The following KIAA1549L variants were observed in gnomAD, a reference collection of about 807,000 sequenced individuals.
KIAA1549L encodes KIAA1549 like.
Under a neutral mutation model 160.7 loss-of-function variants are expected in KIAA1549L, and 88 were observed. The observed-to-expected ratio is 0.55, with a 90% CI of 0.46 to 0.65. The LOEUF (loss-of-function observed/expected upper bound fraction) is 0.65. Among genes scored for constraint, KIAA1549L ranks in the 30% least tolerant of loss-of-function variants. KIAA1549L has a pLI of 0.00. For synonymous variants in KIAA1549L, 950 were observed against 976.7 expected, an observed-to-expected ratio of 0.97 and a Z score of 0.51; for missense variants, 2,258 against 2,437.5, an observed-to-expected ratio of 0.93 and a Z score of 1.55.
At chr11:33,606,583 C>T (rs1047700847) in intron 13 of KIAA1549L, 58 bp from the exon 14 acceptor site, 3 of 1,540,572 alleles carry the variant, frequency 1.9e-6, no homozygotes, top group Non-Finnish European at 2.7e-6. Context: ...CATAAATTCT[C>T]CTGGGATCAC....
chr11:33,544,982 C>T lies in KIAA1549L; in HGVS notation c.2989C>T (p.Pro997Ser), dbSNP rs1156773732. 2.5e-6 allele frequency: 4 copies of T among 1,613,840 alleles called. No homozygotes were observed. Among genetic ancestry groups the T allele is most frequent in the African/African-American group, 1.3e-5 (1 of 74,906 alleles). Residue 997 changes from proline (P) to serine (S), a missense_variant, in exon 3 of 21, where the codon CCA (proline) becomes TCA (serine). Pro to Ser is a moderately conservative substitution (Grantham distance 74). This residue lies in a region of KIAA1549L where 1,359 missense variants were observed against 1,546.6 expected (regional missense o/e 0.88). Transcript: ENST00000658780. ...NKAASGPKRTPGAVHTAFPFT... is the reference protein window; with the variant it reads ...NKAASGPKRTSGAVHTAFPFT... ...GGCCGCATCTGGCCCAAAGAGGACA[C>T]CAGGGGCAGTCCATACAGCCTTCCC...
At chr11:33,533,565 C>T (rs79758824) in intron 1 of KIAA1549L, among the ~76,000 whole-genome samples, 2 of 152,178 alleles carry the variant, frequency 1.3e-5, no homozygotes, top group Non-Finnish European at 2.9e-5. Flanking sequence ...CATACATGCA[C>T]GTGATCCTAA....
intron 1 of KIAA1549L, among the ~76,000 whole-genome samples, chr11:33,534,162 A>G (rs985865438): frequency 1.3e-5 from 2 of 152,014 alleles, no homozygotes; most frequent in Admixed American, 1.3e-4. Flanking sequence ...GGCTCACTGC[A>G]ACGTCTGCCT....
chr11:33,542,661 G>C lies in KIAA1549L; in HGVS notation c.1098G>C (p.Gln366His). 1 of 1,613,830 alleles carries C rather than the reference G, an allele frequency of 6.2e-7. No individual in the cohort carries two copies. Among genetic ancestry groups the C allele is most frequent in the African/African-American group, 1.3e-5 (1 of 75,034 alleles). The change falls in exon 2 of 21, where the codon CAG becomes CAC. Residue 366 changes from glutamine (Q) to histidine (H), a missense_variant. Gln to His is a conservative substitution (Grantham distance 24, BLOSUM62 0). Coordinates refer to ENST00000658780, the MANE Select transcript of KIAA1549L (RefSeq NM_012194.3). Reference sequence around the variant, plus strand: ...CCCCAGCACTTGGAAGTCTTCTTCAGCTTCCAGATGGAAGCCCCTCATGGT... The same window carrying C: ...CCCCAGCACTTGGAAGTCTTCTTCACCTTCCAGATGGAAGCCCCTCATGGT... Reference protein sequence around the residue: ...PPPPALGSLLQLPDGSPSWSM... With the variant: ...PPPPALGSLLHLPDGSPSWSM...
chr11:33,395,295 A>G (rs1364125424), intron 1 of KIAA1549L, among the ~76,000 whole-genome samples: 2 of 152,234 alleles, frequency 1.3e-5, no homozygotes. Flanking sequence ...TGTAGCAATA[A>G]TAATAGCTAA....
chr11:33,478,340 T>G (rs539956412), intron 1 of KIAA1549L, among the ~76,000 whole-genome samples: 14 of 152,372 alleles, frequency 9.2e-5, no homozygotes, highest in African/African-American at 3.1e-4. Context: ...GGCAAAGGTT[T>G]CTGCAAAGCT....
intron 1 of KIAA1549L, among the ~76,000 whole-genome samples, chr11:33,497,596 T>C (rs1852849830): frequency 1.3e-5 from 2 of 152,228 alleles, no homozygotes; most frequent in Non-Finnish European, 2.9e-5. Flanking sequence ...GGTTCTTTTT[T>C]AGTATATCTG....
intron 1 of KIAA1549L, among the ~76,000 whole-genome samples, chr11:33,514,107 T>C (rs1853286722): frequency 6.6e-6 from 1 of 152,196 alleles, no homozygotes; most frequent in Non-Finnish European, 1.5e-5. Flanking sequence ...AGCTATACAA[T>C]CCTTCCTTCC....
intron 1 of KIAA1549L, among the ~76,000 whole-genome samples, chr11:33,534,142 G>A (rs954543256): frequency 1.3e-4 from 20 of 152,038 alleles, no homozygotes; most frequent in Admixed American, 1.3e-3. Flanking sequence ...GAGTGCAGTG[G>A]TGTGATCTTG....
At chr11:33,405,282 T>G (rs1358038269) in intron 1 of KIAA1549L, among the ~76,000 whole-genome samples, 2 of 152,046 alleles carry the variant, frequency 1.3e-5, no homozygotes, top group Admixed American at 1.3e-4. Context: ...ATACCATAAA[T>G]GCATTGCTGC....
chr11:33,424,668 A>G (rs1445642417), intron 1 of KIAA1549L, among the ~76,000 whole-genome samples: 1 of 152,200 alleles, frequency 6.6e-6, no homozygotes, highest in Non-Finnish European at 1.5e-5. Context: ...CATTTTTACC[A>G]TGAACTTTTT....
chr11:33,586,363 G>A (rs1849873943), intron 11 of KIAA1549L, among the ~76,000 whole-genome samples: 1 of 152,220 alleles, frequency 6.6e-6, no homozygotes. Flanking sequence ...CTTCTTCAGA[G>A]ACAAGGTACC....
At chr11:33,638,425 A>AT (rs1265617622) in intron 16 of KIAA1549L, among the ~76,000 whole-genome samples, 381 of 18,660 alleles carry the variant, frequency 0.02, 1 homozygote, top group African/African-American at 0.11. Flanking sequence ...AAATAAATAA[A>AT]AAAAAAAAAA....
Position 33,573,874 on chromosome 11 carries a change from C to T in KIAA1549L, c.4231-828C>T, listed in dbSNP as rs530747253. Among the ~76,000 whole-genome samples the T allele has an allele frequency of 7.2e-5, 11 of 152,146 alleles. No individual in the cohort carries two copies. The East Asian group carries it at 2.1e-3, about 29-fold the overall frequency. ...ACAGTAGTAAAAAATTAGTAACAGT[C>T]TAAATGCTTAATAAAGGATTGTTTA... On this transcript the variant is annotated intron_variant, in intron 9 of 20. Coordinates refer to ENST00000658780, the MANE Select transcript of KIAA1549L (RefSeq NM_012194.3).
chr11:33,660,741 T>G, intron 19 of KIAA1549L, 122 bp from the exon 20 acceptor site: 7 of 906,626 alleles, frequency 7.7e-6, no homozygotes, highest in African/African-American at 1.7e-5. Flanking sequence ...CCTGATTTAA[T>G]GAGACTTCAA....
intron 1 of KIAA1549L, among the ~76,000 whole-genome samples, chr11:33,460,137 GC>G (rs1565146303): frequency 1.3e-5 from 2 of 152,046 alleles, no homozygotes; most frequent in African/African-American, 4.8e-5. Flanking sequence ...ACTGTCCATG[GC>G]TGTCTTGGAC....
chr11:33,458,188 A>C (rs1851869290), intron 1 of KIAA1549L, among the ~76,000 whole-genome samples: 1 of 152,264 alleles, frequency 6.6e-6, no homozygotes, highest in African/African-American at 2.4e-5. Context: ...AGGTGGGGCC[A>C]GCACAGGGCC....
chr11:33,654,264 A>G (rs999798010), intron 17 of KIAA1549L, among the ~76,000 whole-genome samples: 4 of 152,092 alleles, frequency 2.6e-5, no homozygotes, highest in Admixed American at 1.3e-4. Flanking sequence ...GAGCCACCAC[A>G]CCCAGCCTGG....
intron 16 of KIAA1549L, 141 bp downstream of exon 16, chr11:33,618,803 C>A (rs1850888612): frequency 2.4e-6 from 2 of 819,062 alleles, no homozygotes; most frequent in Admixed American, 3.5e-5. Context: ...TTTTTTATTA[C>A]CTATTTTGCA....
Sources: allele counts gnomAD v4.1 joint callset (sites outside exome capture counted in the v4.1 genomes callset), GRCh38; gene constraint gnomAD v4.1.1; regional missense constraint gnomAD v4.1.1; transcripts MANE v1.5; gene names NCBI Gene and HGNC (gene_info 2026-07-23, HGNC 2026-07-21).